Variants in METTL15 observed in about 807,000 individuals in gnomAD.
METTL15 encodes methyltransferase 15, mitochondrial 12S rRNA N4-cytidine, also known as 12S rRNA N(4)-cytidine methyltransferase METTL15.
METTL15 carries 34 observed loss-of-function variants against 38.3 expected under a neutral mutation model. The observed-to-expected ratio is 0.89, with a 90% CI of 0.68 to 1.18. The LOEUF is 1.18. METTL15 is among the 50% of genes most tolerant of loss of function. The pLI is 0.00. For synonymous variants in METTL15, 162 were observed against 170.9 expected (o/e 0.95, Z 0.41); for missense variants, 438 against 498.4 (o/e 0.88, Z 1.15).
At chr11:28,347,294 A>G (rs1007647513) in intron 3 of METTL15, among the ~76,000 whole-genome samples, 1 of 152,204 alleles carries the variant, frequency 6.6e-6, no homozygotes, top group African/African-American at 2.4e-5. Context: ...ATAGTAGGGC[A>G]GCCTGATTCT....
At position 28,213,810 on chromosome 11, in the gene METTL15, C is replaced by T. The variant is rs376103516; in HGVS notation, c.407+2612C>T. On this transcript the variant is annotated intron_variant, in intron 4 of 6. Coordinates refer to ENST00000407364, the MANE Select transcript of METTL15 (RefSeq NM_001113528.2). ...AGCTGGGACTATAGGCGCTTGTCAC[C>T]GTGCCTGGCTAATTTTTTGTATTTT... 1.3e-3 allele frequency among the ~76,000 whole-genome samples: 198 copies of T among 151,740 alleles called. 1 individual carries two copies. The highest frequency in any genetic ancestry group is 4.5e-3 in the African/African-American group (187 of 41,380).
intron 5 of METTL15, among the ~76,000 whole-genome samples, chr11:28,390,649 A>G (rs1401294820): frequency 1.3e-5 from 2 of 152,178 alleles, no homozygotes; most frequent in African/African-American, 2.4e-5. Context: ...GTATAGTTTG[A>G]AGTCAGGTAG....
chr11:28,120,239 A>C (rs1264767159), intron 3 of METTL15, among the ~76,000 whole-genome samples: 1 of 148,164 alleles, frequency 6.7e-6, no homozygotes, highest in South Asian at 2.1e-4. Context: ...GGTGTAAGCC[A>C]CTGTGCCCAG....
At chr11:28,497,545 T>C (rs958504586) in intron 6 of METTL15, among the ~76,000 whole-genome samples, 8 of 152,234 alleles carry the variant, frequency 5.3e-5, no homozygotes, top group African/African-American at 1.7e-4. Context: ...CTGTTTGTGC[T>C]GCTATAACAG....
chr11:28,325,535 C>G (rs992412017), intron 6 of METTL15, among the ~76,000 whole-genome samples: 1 of 152,204 alleles, frequency 6.6e-6, no homozygotes, highest in Non-Finnish European at 1.5e-5. Context: ...GGATTTTTAT[C>G]CATTCATTCA....
intron 3 of METTL15, among the ~76,000 whole-genome samples, chr11:28,174,237 T>G (rs1331828379): frequency 6.6e-6 from 1 of 152,176 alleles, no homozygotes; most frequent in Non-Finnish European, 1.5e-5. Context: ...TATGGACTCA[T>G]GGATATTTAT....
intron 6 of METTL15, among the ~76,000 whole-genome samples, chr11:28,485,137 ACACT>A (rs1180161834): frequency 1.4e-4 from 21 of 151,644 alleles, no homozygotes; most frequent in African/African-American, 3.6e-4. Flanking sequence ...ACACACACAC[ACACT>A]CACACCCCAC....
intron 6 of METTL15, among the ~76,000 whole-genome samples, chr11:28,475,940 C>G (rs1247469725): frequency 6.6e-6 from 1 of 152,212 alleles, no homozygotes; most frequent in Non-Finnish European, 1.5e-5. Context: ...CTGCTACCAC[C>G]TAGGCTGCCT....
chr11:28,382,209 C>T (rs766916590), intron 5 of METTL15, among the ~76,000 whole-genome samples: 28 of 152,120 alleles, frequency 1.8e-4, no homozygotes, highest in Admixed American at 3.3e-4. Context: ...GGGAACATGT[C>T]GAGCAAACCA....
chr11:28,423,237 A>G (rs529134511), intron 5 of METTL15, among the ~76,000 whole-genome samples: 23 of 152,156 alleles, frequency 1.5e-4, no homozygotes, highest in Non-Finnish European at 2.9e-4. Context: ...ACCCTTATAC[A>G]CTGTTGTTGA....
At chr11:28,191,842 G>T (rs1057109283) in intron 3 of METTL15, among the ~76,000 whole-genome samples, 2 of 151,644 alleles carry the variant, frequency 1.3e-5, no homozygotes, top group Admixed American at 1.3e-4. Context: ...TTAACATAAA[G>T]TGCTAGTTGT....
intron 3 of METTL15, among the ~76,000 whole-genome samples, chr11:28,148,749 T>C (rs1849975431): frequency 6.6e-6 from 1 of 151,944 alleles, no homozygotes; most frequent in African/African-American, 2.4e-5. Context: ...TATTTCAACT[T>C]TTTCAAAATT....
chr11:28,249,339 A>AAAT (rs1854641036), intron 4 of METTL15, among the ~76,000 whole-genome samples: 1 of 152,058 alleles, frequency 6.6e-6, no homozygotes, highest in Admixed American at 6.6e-5. Context: ...TCAACAAATT[A>AAAT]GGATAATTAA....
At chr11:28,245,483 G>A (rs1854470778) in intron 4 of METTL15, among the ~76,000 whole-genome samples, 1 of 151,298 alleles carries the variant, frequency 6.6e-6, no homozygotes, top group South Asian at 2.1e-4. Flanking sequence ...GATTTTTTTA[G>A]TGATCATGAA....
chr11:28,346,198 G>T (rs889627653), intron 3 of METTL15, among the ~76,000 whole-genome samples: 20 of 152,132 alleles, frequency 1.3e-4, no homozygotes, highest in Admixed American at 3.3e-4. Context: ...TAAATGCTCT[G>T]TTGTGTTTTT....
chr11:28,449,217 A>T (rs751565555), intron 6 of METTL15, among the ~76,000 whole-genome samples: 1 of 152,176 alleles, frequency 6.6e-6, no homozygotes, highest in Non-Finnish European at 1.5e-5. Context: ...TGGATAGTGC[A>T]GGGCTGATTT....
intron 5 of METTL15, among the ~76,000 whole-genome samples, chr11:28,389,842 C>T (rs1162263296): frequency 6.6e-6 from 1 of 151,598 alleles, no homozygotes; most frequent in African/African-American, 2.4e-5. Flanking sequence ...GTTTACAGTC[C>T]CACCAACAGT....
At chr11:28,341,082 A>C (rs952103146) in intron 3 of METTL15, among the ~76,000 whole-genome samples, 36 of 152,294 alleles carry the variant, frequency 2.4e-4, no homozygotes, top group Middle Eastern at 6.8e-3. Flanking sequence ...AGAAAACCAA[A>C]CACCACATGT....
At chr11:28,287,382 T>A (rs532625208) in intron 4 of METTL15, 2 of 348,768 alleles carry the variant, frequency 5.7e-6, no homozygotes, top group South Asian at 5.0e-5. Context: ...ATCTTTGAGT[T>A]GTACATCAAA....
Sources: gnomAD v4.1 joint callset for allele counts (sites outside exome capture counted in the v4.1 genomes callset) on GRCh38, gnomAD v4.1.1 for gene constraint, MANE v1.5 for transcripts, NCBI Gene and HGNC (gene_info 2026-07-23, HGNC 2026-07-21) for gene names.